The following PLEKHA6 variants were observed in gnomAD, a reference collection of about 807,000 sequenced individuals.
PLEKHA6 encodes pleckstrin homology domain containing A6, also known as pleckstrin homology domain-containing family A member 6.
In PLEKHA6, 60 loss-of-function variants were observed where a neutral mutation model predicts 116.7. The ratio of observed to expected loss-of-function variants is 0.51; its 90% CI spans 0.42 to 0.64. The LOEUF is 0.64. Ranked by LOEUF, PLEKHA6 falls within the 30% of genes least tolerant of loss-of-function variation. The pLI, the probability that PLEKHA6 is intolerant of heterozygous loss-of-function variation, is 0.00. For synonymous variants in PLEKHA6, 489 were observed against 556.1 expected (o/e 0.88, Z 1.70); for missense variants, 1,338 against 1,422.7 (o/e 0.94, Z 0.96).
Position 204,257,913 on chromosome 1 carries a change from A to G in PLEKHA6, c.1008-44T>C, listed in dbSNP as rs558526624. 119 of 1,546,602 alleles carry G rather than the reference A, an allele frequency of 7.7e-5. No homozygotes were observed. The East Asian group carries it at 2.6e-3, about 34-fold the overall frequency. On this transcript the variant is annotated intron_variant, in intron 8 of 22. Coordinates refer to ENST00000272203, the MANE Select transcript of PLEKHA6 (RefSeq NM_014935.5). The surrounding 1 kb of genome is among the most constrained non-coding windows in gnomAD (Gnocchi z 6.5). ...TGTAATGAAGGCAGACAACACGGGCACCCCTCCACCCACCCCAGCCCCACC... is the reference window on the plus strand; with the variant it reads ...TGTAATGAAGGCAGACAACACGGGCGCCCCTCCACCCACCCCAGCCCCACC...
At position 204,223,467 on chromosome 1, in the gene PLEKHA6, A is replaced by C. The variant is rs1409738642; in HGVS notation, c.*3T>G. On this transcript the variant is annotated 3_prime_UTR_variant, in exon 22 of 23. Transcript: ENST00000272203. This position sits in a 1 kb window ranked among gnomAD's most constrained non-coding sequence, Gnocchi z 4.8. ...TACAGTAGAAAAGTGCTTACGTCAG[A>C]GCTCAGACCCGCATGGTATAGCTGC... The C allele has an allele frequency of 6.6e-7, 1 of 1,517,122 alleles. No individual in the cohort carries two copies. 94.0% of individuals were successfully genotyped at this position (1,517,122 alleles called of 1,614,324 possible). A position where few individuals can be genotyped will look rare whatever the true frequency, so the allele number is the denominator to read the frequency against.
chr1:204,259,764 T>C lies in PLEKHA6; in HGVS notation c.525-24A>G. The C allele has an allele frequency of 6.3e-7, 1 of 1,588,510 alleles. No homozygotes were observed. Among genetic ancestry groups the C allele is most frequent in the African/African-American group, 1.3e-5 (1 of 74,596 alleles). On this transcript the variant is annotated intron_variant, in intron 7 of 22. Coordinates refer to ENST00000272203, the MANE Select transcript of PLEKHA6 (RefSeq NM_014935.5). This position sits in a 1 kb window ranked among gnomAD's most constrained non-coding sequence, Gnocchi z 4.6. ...GGCTGCAGGATGCCAAGGGAGATGC[T>C]GTCAGTGACTCTAGCCCAGCATGGA...
intron 6 of PLEKHA6, among the ~76,000 whole-genome samples, chr1:204,262,332 T>G (rs959111276): frequency 6.6e-6 from 1 of 152,178 alleles, no homozygotes; most frequent in Non-Finnish European, 1.5e-5. Flanking sequence ...TGCAGACAAG[T>G]TGTGGTTTTG....
intron 1 of PLEKHA6, among the ~76,000 whole-genome samples, chr1:204,291,498 G>T (rs1669750659): frequency 6.6e-6 from 1 of 152,218 alleles, no homozygotes; most frequent in Non-Finnish European, 1.5e-5. Context: ...AGCCTTATTT[G>T]TGACAGCCCC....
intron 1 of PLEKHA6, chr1:204,297,089 GA>G: frequency 1.0e-6 from 1 of 983,766 alleles, no homozygotes; most frequent in South Asian, 4.7e-5. Flanking sequence ...AGAGAGAAAG[GA>G]AAAGAATTTA....
chr1:204,311,859 G>C (rs926924187), intron 1 of PLEKHA6: 5 of 161,482 alleles, frequency 3.1e-5, no homozygotes, highest in Non-Finnish European at 5.2e-5. Context: ...CTCAGAAAAT[G>C]CATCCTAAGA....
chr1:204,332,636 T>C (rs1436106055), intron 1 of PLEKHA6, among the ~76,000 whole-genome samples: 1 of 152,144 alleles, frequency 6.6e-6, no homozygotes, highest in Admixed American at 6.5e-5. Flanking sequence ...CACTTTGGCC[T>C]CCCAAAGTGC....
rs572115695 is a variant in PLEKHA6, at chr1:204,257,471, C to A, written c.1406G>T (p.Arg469Leu). Residue 469 changes from arginine (R) to leucine (L), a missense_variant, in exon 9 of 23, where the codon CGC becomes CTC. Coordinates refer to ENST00000272203, the MANE Select transcript of PLEKHA6 (RefSeq NM_014935.5). This position sits in a 1 kb window ranked among gnomAD's most constrained non-coding sequence, Gnocchi z 6.5. Reference sequence around the variant, plus strand: ...GGGTGAGCGGACAGGGGAGTAAATGCGGGCACGGCTGTAGGAGCCCTGGCT... The same window carrying A: ...GGGTGAGCGGACAGGGGAGTAAATGAGGGCACGGCTGTAGGAGCCCTGGCT... The part of the protein sequence containing the change: ...SPSQGSYSRA[R>L]IYSPVRSPSA... 1.9e-6 allele frequency: 3 copies of A among 1,574,762 alleles called. No homozygotes were observed. Among genetic ancestry groups the A allele is most frequent in the Admixed American group, 3.7e-5 (2 of 53,836 alleles).
At chr1:204,229,547 G>T (rs1240573063) in intron 18 of PLEKHA6, among the ~76,000 whole-genome samples, 1 of 152,152 alleles carries the variant, frequency 6.6e-6, no homozygotes, top group Non-Finnish European at 1.5e-5. Context: ...CCAAGTAGCT[G>T]GGACTATAGG....
At chr1:204,249,889 C>T (rs1664303260) in intron 10 of PLEKHA6, among the ~76,000 whole-genome samples, 1 of 152,184 alleles carries the variant, frequency 6.6e-6, no homozygotes, top group Non-Finnish European at 1.5e-5. Context: ...CACCTTTATT[C>T]ATGCCATTCC....
At chr1:204,249,149 T>A in intron 11 of PLEKHA6, 35 bp downstream of exon 11, 3 of 1,577,534 alleles carry the variant, frequency 1.9e-6, no homozygotes, top group Non-Finnish European at 2.6e-6. Context: ...GCCTCGCCCA[T>A]CTGCCCCAGC....
At chr1:204,314,944 C>T (rs1008952096) in intron 1 of PLEKHA6, among the ~76,000 whole-genome samples, 1 of 151,086 alleles carries the variant, frequency 6.6e-6, no homozygotes, top group African/African-American at 2.4e-5. Flanking sequence ...GGCCTCGGTG[C>T]CCTCATGTGA....
chr1:204,339,906 A>G (rs777737426), intron 1 of PLEKHA6, among the ~76,000 whole-genome samples: 1 of 152,234 alleles, frequency 6.6e-6, no homozygotes, highest in Non-Finnish European at 1.5e-5. Flanking sequence ...ACACAGGATT[A>G]CAACTATATA....
intron 17 of PLEKHA6, among the ~76,000 whole-genome samples, chr1:204,236,860 C>A (rs1165732904): frequency 6.6e-6 from 1 of 152,186 alleles, no homozygotes; most frequent in Non-Finnish European, 1.5e-5. Flanking sequence ...AATTTCCATT[C>A]TTGAGCCAGT....
intron 2 of PLEKHA6, among the ~76,000 whole-genome samples, chr1:204,273,984 A>G (rs1667748005): frequency 6.6e-6 from 1 of 152,150 alleles, no homozygotes; most frequent in Non-Finnish European, 1.5e-5. Context: ...CCCAGCCTGT[A>G]GCACAGTGGC....
chr1:204,320,598 G>A (rs1032342423), intron 1 of PLEKHA6: 1 of 515,748 alleles, frequency 1.9e-6, no homozygotes. Context: ...GGTCAGCCCT[G>A]TTTATGCTGA....
intron 9 of PLEKHA6, 83 bp from the exon 10 acceptor site, chr1:204,250,697 G>T: frequency 1.1e-6 from 1 of 931,780 alleles, no homozygotes; most frequent in Admixed American, 1.8e-5. Flanking sequence ...CAATCCCGCT[G>T]TGCTCCTGCC....
intron 3 of PLEKHA6, among the ~76,000 whole-genome samples, chr1:204,269,401 T>A (rs571936607): frequency 8.9e-6 from 1 of 112,588 alleles, no homozygotes; most frequent in South Asian, 2.7e-4. Flanking sequence ...AATCAAATTG[T>A]CTACTCTCCC....
intron 1 of PLEKHA6, chr1:204,317,308 T>G: frequency 1.4e-5 from 6 of 421,794 alleles, no homozygotes; most frequent in Non-Finnish European, 1.9e-5. Flanking sequence ...TTTCCTGATT[T>G]GAGTCTGGGA....
Sources: allele counts gnomAD v4.1 joint callset (sites outside exome capture counted in the v4.1 genomes callset), GRCh38; gene constraint gnomAD v4.1.1; non-coding constraint Gnocchi (gnomAD v3.1); transcripts MANE v1.5; gene names NCBI Gene and HGNC (gene_info 2026-07-23, HGNC 2026-07-21).